The following GPC5 variants were observed in gnomAD, a reference collection of about 807,000 sequenced individuals.
The protein encoded by GPC5 is glypican-5.
A neutral mutation model predicts 53.9 loss-of-function variants in GPC5; 47 were observed. The observed-to-expected ratio is 0.87, with a 90% confidence interval of 0.69 to 1.11. The LOEUF is 1.11. GPC5 is among the 50% of genes most tolerant of loss of function. The pLI is 0.00. For missense variants in GPC5, 748 were observed against 713.1 expected (o/e 1.05, Z -0.56); for synonymous variants, 286 against 263.3 (o/e 1.09, Z -0.84).
Position 91,509,408 on chromosome 13 carries a change from A to G in GPC5, c.325+60486A>G, listed in dbSNP as rs1885114898. Among the ~76,000 whole-genome samples, 3 of 148,946 alleles carry G rather than the reference A, an allele frequency of 2.0e-5. 1 individual carries two copies. The South Asian group carries it at 6.4e-4, about 32-fold the overall frequency. ...AAAGTGCTCATAAAGAAGGCTTAAC[A>G]TATTCATATTTTAAGGATCAAATAG... is the stretch of plus-strand genomic sequence containing the variant. On this transcript the variant is annotated intron_variant, in intron 2 of 7. Transcript: ENST00000377067.
Position 91,452,888 on chromosome 13 carries a change from A to G in GPC5, c.325+3966A>G, listed in dbSNP as rs183985751. On this transcript the variant is annotated intron_variant, in intron 2 of 7. Coordinates refer to ENST00000377067, the MANE Select transcript of GPC5 (RefSeq NM_004466.6). ...ATTTGGAAGATAAGGTTAAAATGTT[A>G]TATCTTTCCTTAGAAATGAACCTTT... Among the ~76,000 whole-genome samples the G allele has an allele frequency of 1.3e-3, 202 of 152,070 alleles. 3 individuals are homozygous for G. The highest frequency in any genetic ancestry group is 4.5e-3 in the African/African-American group (188 of 41,548).
At chr13:92,382,843 CA>C (rs879557107) in intron 7 of GPC5, among the ~76,000 whole-genome samples, 8 of 147,884 alleles carry the variant, frequency 5.4e-5, no homozygotes, top group South Asian at 2.2e-4. Flanking sequence ...CTAAAAAATA[CA>C]AAAAAAAAAT....
chr13:91,427,400 A>G (rs900227177), intron 1 of GPC5, among the ~76,000 whole-genome samples: 1 of 152,210 alleles, frequency 6.6e-6, no homozygotes, highest in Non-Finnish European at 1.5e-5. Context: ...GATGTGAGAC[A>G]TGGAGTCAAA....
At chr13:91,471,560 A>T (rs376008106) in intron 2 of GPC5, among the ~76,000 whole-genome samples, 1 of 152,136 alleles carries the variant, frequency 6.6e-6, no homozygotes, top group South Asian at 2.1e-4. Flanking sequence ...TCATTTTCTC[A>T]TGCTGCCCAA....
At chr13:91,517,554 A>G (rs1421348139) in intron 2 of GPC5, among the ~76,000 whole-genome samples, 2 of 152,156 alleles carry the variant, frequency 1.3e-5, no homozygotes, top group Admixed American at 1.3e-4. Flanking sequence ...AAACTTTCCC[A>G]CATTTTCTTT....
At chr13:91,931,485 G>A (rs183604474) in intron 6 of GPC5, among the ~76,000 whole-genome samples, 38 of 152,024 alleles carry the variant, frequency 2.5e-4, no homozygotes, top group African/African-American at 8.2e-4. Flanking sequence ...GAAGCCCAAC[G>A]TCAGACATCC....
intron 7 of GPC5, among the ~76,000 whole-genome samples, chr13:92,485,122 G>A (rs1228740437): frequency 1.3e-5 from 2 of 152,152 alleles, no homozygotes; most frequent in Admixed American, 6.5e-5. Flanking sequence ...GGATGAAATG[G>A]AAGTGAGTTC....
chr13:92,046,682 T>TA (rs1159472397), intron 6 of GPC5, among the ~76,000 whole-genome samples: 1 of 152,218 alleles, frequency 6.6e-6, no homozygotes, highest in Non-Finnish European at 1.5e-5. Flanking sequence ...TATATCTTAT[T>TA]AAAAAATCCT....
chr13:92,791,923 T>A (rs1316157422), intron 7 of GPC5, among the ~76,000 whole-genome samples: 1 of 152,102 alleles, frequency 6.6e-6, no homozygotes, highest in Non-Finnish European at 1.5e-5. Context: ...TGACTATCAT[T>A]TCATCTCATT....
chr13:92,598,533 T>C (rs1489017079), intron 7 of GPC5, among the ~76,000 whole-genome samples: 4 of 152,138 alleles, frequency 2.6e-5, no homozygotes, highest in African/African-American at 9.7e-5. Context: ...TATTTAACCC[T>C]TTTTATTCTA....
At chr13:91,858,117 TA>T (rs1426858564) in intron 5 of GPC5, among the ~76,000 whole-genome samples, 1 of 151,796 alleles carries the variant, frequency 6.6e-6, no homozygotes, top group Non-Finnish European at 1.5e-5. Context: ...ATAATTTGAC[TA>T]CTTTATTTCC....
intron 7 of GPC5, among the ~76,000 whole-genome samples, chr13:92,182,876 GAA>G (rs1555317199): frequency 9.0e-6 from 1 of 111,668 alleles, no homozygotes; most frequent in Non-Finnish European, 2.1e-5. Flanking sequence ...CTCAAAAAAA[GAA>G]AAAAAAAAAA....
intron 4 of GPC5, among the ~76,000 whole-genome samples, chr13:91,751,260 C>T (rs1475038885): frequency 6.6e-6 from 1 of 152,186 alleles, no homozygotes; most frequent in Non-Finnish European, 1.5e-5. Flanking sequence ...TCAAAGCTAA[C>T]CACTGTTTTC....
intron 7 of GPC5, among the ~76,000 whole-genome samples, chr13:92,166,624 T>C (rs1411596070): frequency 6.6e-6 from 1 of 152,066 alleles, no homozygotes; most frequent in Non-Finnish European, 1.5e-5. Context: ...TCCATAAGAC[T>C]GTATTGCCAT....
At chr13:91,826,993 A>G (rs1467135186) in intron 5 of GPC5, among the ~76,000 whole-genome samples, 1 of 152,022 alleles carries the variant, frequency 6.6e-6, no homozygotes, top group Non-Finnish European at 1.5e-5. Flanking sequence ...ACGTAGTTAG[A>G]CAAAGTAAGA....
chr13:91,403,912 C>G (rs936380795), intron 1 of GPC5, among the ~76,000 whole-genome samples: 4 of 152,152 alleles, frequency 2.6e-5, no homozygotes, highest in Non-Finnish European at 5.9e-5. Context: ...AAATCTAGTG[C>G]ATCAACTACA....
At chr13:91,665,096 C>A (rs572705632) in intron 2 of GPC5, among the ~76,000 whole-genome samples, 5 of 152,144 alleles carry the variant, frequency 3.3e-5, no homozygotes, top group African/African-American at 1.2e-4. Flanking sequence ...AGAAATTGCT[C>A]TCTTTGGTAT....
intron 7 of GPC5, among the ~76,000 whole-genome samples, chr13:92,515,962 C>G (rs146800817): frequency 1.8e-4 from 27 of 152,162 alleles, no homozygotes; most frequent in African/African-American, 6.5e-4. Flanking sequence ...AGCACTTAAG[C>G]GTAAAAGTAG....
At chr13:91,844,941 T>G (rs2038831487) in intron 5 of GPC5, among the ~76,000 whole-genome samples, 1 of 152,160 alleles carries the variant, frequency 6.6e-6, no homozygotes, top group Admixed American at 6.5e-5. Context: ...AAATATCAAG[T>G]GTAATTTTCT....
Sources: allele counts gnomAD v4.1 joint callset (sites outside exome capture counted in the v4.1 genomes callset), GRCh38; gene constraint gnomAD v4.1.1; transcripts MANE v1.5; gene names NCBI Gene and HGNC (gene_info 2026-07-23, HGNC 2026-07-21).